STK3: variants seen among roughly 807,000 people sequenced by gnomAD.
STK3 encodes serine/threonine kinase 3.
In STK3, 41 loss-of-function variants were observed where a neutral mutation model predicts 58.0. The ratio of observed to expected loss-of-function variants is 0.71; its 90% confidence interval spans 0.55 to 0.92. The LOEUF (loss-of-function observed/expected upper bound fraction) is 0.92. Among genes scored for constraint, STK3 ranks in the 40% least tolerant of loss-of-function variants. The pLI, the probability that STK3 is intolerant of heterozygous loss-of-function variation, is 0.00. For missense variants in STK3, 479 were observed against 602.7 expected (o/e 0.79, Z 2.15); for synonymous variants, 170 against 191.0 (o/e 0.89, Z 0.91).
chr8:98,709,468 T>C (rs1413494934), intron 4 of STK3, among the ~76,000 whole-genome samples: 1 of 152,208 alleles, frequency 6.6e-6, no homozygotes. Context: ...GGCATTATTC[T>C]GATATCAAAG....
At chr8:98,584,580 G>C (rs1372169781) in intron 7 of STK3, among the ~76,000 whole-genome samples, 1 of 150,008 alleles carries the variant, frequency 6.7e-6, no homozygotes, top group Admixed American at 6.7e-5. Flanking sequence ...TGTCTTTATA[G>C]CAGCATGATT....
chr8:98,617,081 A>C (rs951798914), intron 6 of STK3, among the ~76,000 whole-genome samples: 101 of 151,238 alleles, frequency 6.7e-4, no homozygotes, highest in Non-Finnish European at 9.8e-4. Flanking sequence ...TCCTCAGCAA[A>C]TGTAAAAGAA....
intron 10 of STK3, among the ~76,000 whole-genome samples, chr8:98,488,129 G>A (rs1844818666): frequency 6.6e-6 from 1 of 152,136 alleles, no homozygotes; most frequent in Admixed American, 6.6e-5. Flanking sequence ...TTCCTCTCTG[G>A]CATAACTAGT....
intron 6 of STK3, among the ~76,000 whole-genome samples, chr8:98,617,088 A>T (rs368191032): frequency 6.6e-6 from 1 of 151,042 alleles, no homozygotes; most frequent in Non-Finnish European, 1.5e-5. Context: ...CAAATGTAAA[A>T]GAACAGAAAT....
chr8:98,556,002 T>C (rs567589527), intron 8 of STK3, among the ~76,000 whole-genome samples: 1 of 152,146 alleles, frequency 6.6e-6, no homozygotes, highest in East Asian at 1.9e-4. Flanking sequence ...ATTGGGAATT[T>C]TGAAAGTCTA....
intron 7 of STK3, among the ~76,000 whole-genome samples, chr8:98,592,343 A>G (rs1423921427): frequency 6.6e-6 from 1 of 152,066 alleles, no homozygotes; most frequent in Non-Finnish European, 1.5e-5. Context: ...TGTTCATACC[A>G]TTTCTCCTCC....
At chr8:98,538,127 G>A (rs1310563882) in intron 9 of STK3, among the ~76,000 whole-genome samples, 2 of 152,166 alleles carry the variant, frequency 1.3e-5, no homozygotes, top group South Asian at 2.1e-4. Flanking sequence ...AGTAAAGTAT[G>A]TGTCAACATC....
At chr8:98,742,085 A>G (rs985513090) in intron 4 of STK3, among the ~76,000 whole-genome samples, 2 of 152,034 alleles carry the variant, frequency 1.3e-5, no homozygotes, top group African/African-American at 4.8e-5. Flanking sequence ...TGTGGCAATA[A>G]TCAATAGCTT....
chr8:98,814,239 C>T lies in STK3; in HGVS notation c.26+11276G>A, dbSNP rs528500981. ...ATTTTTTTTGTATTTTTAGTAGAGA[C>T]AGGGTTTCACCATGTTGGTCAGGCT... On this transcript the variant is annotated intron_variant, in intron 1 of 10. Coordinates refer to ENST00000419617, the MANE Select transcript of STK3 (RefSeq NM_006281.4). 1.2e-4 allele frequency among the ~76,000 whole-genome samples: 18 copies of T among 152,006 alleles called. 1 individual carries two copies. In the East Asian group the frequency reaches 3.5e-3, roughly 29 times the overall value.
intron 6 of STK3, among the ~76,000 whole-genome samples, chr8:98,659,086 A>G (rs1821769042): frequency 6.6e-6 from 1 of 152,068 alleles, no homozygotes; most frequent in African/African-American, 2.4e-5. Flanking sequence ...ACAGACAGCT[A>G]TATTATCTAG....
chr8:98,852,274 A>G (rs572181230), intron 3 of STK3, among the ~76,000 whole-genome samples: 85 of 152,062 alleles, frequency 5.6e-4, no homozygotes, highest in African/African-American at 2.0e-3. Flanking sequence ...AGCTGGGATT[A>G]CAGGTGCCCA....
intron 10 of STK3, among the ~76,000 whole-genome samples, chr8:98,518,372 G>A (rs1423817418): frequency 6.6e-6 from 1 of 152,038 alleles, no homozygotes; most frequent in Non-Finnish European, 1.5e-5. Context: ...GCCTTAAACA[G>A]CACCATTAGG....
intron 3 of STK3, among the ~76,000 whole-genome samples, chr8:98,755,451 G>A (rs1830227775): frequency 6.6e-6 from 1 of 152,142 alleles, no homozygotes; most frequent in Non-Finnish European, 1.5e-5. Flanking sequence ...AAATAAAATT[G>A]CTCCTAGTTC....
At chr8:98,883,891 T>A (rs901003970) in intron 1 of STK3, 12 of 580,364 alleles carry the variant, frequency 2.1e-5, no homozygotes, top group African/African-American at 2.0e-4. Flanking sequence ...AGAGGGGCAG[T>A]CACATACAAA....
chr8:98,354,978 T>G, the STK3 span, among the ~76,000 whole-genome samples: 1 of 152,154 alleles, frequency 6.6e-6, no homozygotes, highest in Non-Finnish European at 1.5e-5. Flanking sequence ...GGTTTCACCA[T>G]GTTGGTCAGG....
At chr8:98,371,887 T>C (rs1370290916) in intron 2 of STK3, among the ~76,000 whole-genome samples, 15 of 152,206 alleles carry the variant, frequency 9.9e-5, no homozygotes, top group African/African-American at 3.4e-4. Context: ...TGTTGAAGTC[T>C]GAACCCCTAG....
intron 3 of STK3, among the ~76,000 whole-genome samples, chr8:98,859,791 C>T (rs1041286591): frequency 6.6e-6 from 1 of 152,226 alleles, no homozygotes; most frequent in East Asian, 1.9e-4. Flanking sequence ...AGAACCCAGA[C>T]AGCATTTCTT....
chr8:98,938,287 C>T (rs1026807351), intron 1 of STK3, among the ~76,000 whole-genome samples: 1 of 152,242 alleles, frequency 6.6e-6, no homozygotes, highest in Admixed American at 6.5e-5. Context: ...AGCAAATGGT[C>T]CAGTGGAGGC....
chr8:98,900,418 T>G (rs1435422178), intron 1 of STK3, among the ~76,000 whole-genome samples: 3 of 152,036 alleles, frequency 2.0e-5, no homozygotes, highest in Middle Eastern at 3.2e-3. Context: ...TTAAGAAGTC[T>G]AATTGAACAT....
Sources: gnomAD v4.1 joint callset for allele counts (sites outside exome capture counted in the v4.1 genomes callset) on GRCh38, gnomAD v4.1.1 for gene constraint, MANE v1.5 for transcripts, NCBI Gene and HGNC (gene_info 2026-07-23, HGNC 2026-07-21) for gene names.